CADM2: variants seen among roughly 807,000 people sequenced by gnomAD.
CADM2 encodes cell adhesion molecule 2, also known as immunoglobulin superfamily member 4D.
Under a neutral mutation model 49.8 loss-of-function variants are expected in CADM2, and 12 were observed. That is an observed-to-expected ratio of 0.24 (90% CI 0.15 to 0.39). The LOEUF is 0.39. CADM2 is among the 10% of genes least tolerant of loss of function. CADM2 has a pLI of 1.00. For missense variants in CADM2, 378 were observed against 492.3 expected (o/e 0.77, Z 2.20); for synonymous variants, 214 against 175.4 (o/e 1.22, Z -1.74).
chr3:85,808,119 A>G (rs1292893792), intron 3 of CADM2, among the ~76,000 whole-genome samples: 1 of 152,184 alleles, frequency 6.6e-6, no homozygotes, highest in Non-Finnish European at 1.5e-5. Context: ...CAAAGTCGAA[A>G]TTCAATTACA....
chr3:85,308,284 A>C (rs2044261353), intron 1 of CADM2, among the ~76,000 whole-genome samples: 1 of 145,702 alleles, frequency 6.9e-6, no homozygotes, highest in African/African-American at 2.6e-5. Flanking sequence ...TATTTATTTA[A>C]ATATCTATAT....
intron 1 of CADM2, among the ~76,000 whole-genome samples, chr3:85,620,130 G>T (rs929906099): frequency 1.3e-5 from 2 of 151,984 alleles, no homozygotes; most frequent in East Asian, 1.9e-4. Flanking sequence ...TCAAGTCCTT[G>T]GGTACCAGAG....
chr3:85,410,047 T>C (rs2035585325), intron 1 of CADM2, among the ~76,000 whole-genome samples: 1 of 152,104 alleles, frequency 6.6e-6, no homozygotes, highest in African/African-American at 2.4e-5. Flanking sequence ...CTTTGCATCC[T>C]CCCTGGTTAA....
At chr3:85,769,902 A>G (rs1417870065) in intron 2 of CADM2, among the ~76,000 whole-genome samples, 1 of 151,888 alleles carries the variant, frequency 6.6e-6, no homozygotes, top group African/African-American at 2.4e-5. Flanking sequence ...TAGTGTTTTG[A>G]TGCTAGAACA....
chr3:85,084,938 AT>A (rs946972373), intron 1 of CADM2, among the ~76,000 whole-genome samples: 3 of 152,104 alleles, frequency 2.0e-5, no homozygotes, highest in African/African-American at 7.2e-5. Context: ...CTTTTAGGTT[AT>A]TAAGTTTAAT....
intron 1 of CADM2, among the ~76,000 whole-genome samples, chr3:85,084,705 TA>T (rs1439255758): frequency 5.3e-5 from 8 of 152,256 alleles, no homozygotes; most frequent in South Asian, 2.1e-4. Flanking sequence ...ATATGGCTAC[TA>T]AAAAAATTAA....
intron 1 of CADM2, among the ~76,000 whole-genome samples, chr3:85,176,135 C>T (rs1010075386): frequency 6.6e-6 from 1 of 151,818 alleles, no homozygotes; most frequent in African/African-American, 2.4e-5. Flanking sequence ...TGGTCCAGGC[C>T]AATGTGCAAT....
chr3:85,788,588 C>A (rs1206296733), intron 2 of CADM2, among the ~76,000 whole-genome samples: 2 of 151,582 alleles, frequency 1.3e-5, no homozygotes, highest in Non-Finnish European at 2.9e-5. Context: ...CAGGTGCAAT[C>A]CAAAATAAAA....
chr3:86,026,977 A>C (rs546840945), intron 8 of CADM2, among the ~76,000 whole-genome samples: 51 of 152,310 alleles, frequency 3.3e-4, no homozygotes, highest in African/African-American at 1.2e-3. Flanking sequence ...AAAAGGAGAA[A>C]ATGGACTTTG....
chr3:85,948,942 G>A (rs9942135), intron 7 of CADM2, among the ~76,000 whole-genome samples: 5,056 of 151,414 alleles, frequency 0.033, 284 homozygotes, highest in African/African-American at 0.12. Flanking sequence ...TAATAGAGCA[G>A]CACCTATGAT....
At chr3:85,229,482 G>T (rs1156721577) in intron 1 of CADM2, among the ~76,000 whole-genome samples, 1 of 152,172 alleles carries the variant, frequency 6.6e-6, no homozygotes, top group Admixed American at 6.5e-5. Context: ...ACCAGTCCCA[G>T]TGAGATGAAC....
chr3:85,305,317 G>A (rs1267644635), intron 1 of CADM2, among the ~76,000 whole-genome samples: 3 of 151,322 alleles, frequency 2.0e-5, no homozygotes, highest in African/African-American at 7.3e-5. Context: ...TTAACTGGAA[G>A]GGAAAAAAAT....
At chr3:85,669,390 T>C (rs1187647048) in intron 1 of CADM2, among the ~76,000 whole-genome samples, 1 of 152,126 alleles carries the variant, frequency 6.6e-6, no homozygotes, top group Non-Finnish European at 1.5e-5. Flanking sequence ...AGGTTAAAGG[T>C]CATTTTGTAA....
At position 85,165,513 on chromosome 3, in the gene CADM2, T is replaced by C. The variant is rs2040449620; in HGVS notation, c.61+205845T>C. Reference sequence around the variant, plus strand: ...AATGCTTTTTCATATTGATGTAATATGTGCTTAAGGGTTTACATTTTTAAT... The same window carrying C: ...AATGCTTTTTCATATTGATGTAATACGTGCTTAAGGGTTTACATTTTTAAT... On this transcript the variant is annotated intron_variant, in intron 1 of 9. Coordinates refer to ENST00000383699, the MANE Select transcript of CADM2 (RefSeq NM_001167675.2). Among the ~76,000 whole-genome samples the C allele has an allele frequency of 2.0e-5, 3 of 151,920 alleles. No individual in the cohort carries two copies. The South Asian group carries it at 6.2e-4, about 31-fold the overall frequency.
chr3:85,595,453 A>G (rs1011069843), intron 1 of CADM2, among the ~76,000 whole-genome samples: 5 of 152,022 alleles, frequency 3.3e-5, no homozygotes, highest in African/African-American at 1.2e-4. Context: ...CAATATTCCA[A>G]CTATCTTTAT....
At chr3:85,853,391 A>G (rs1170899358) in intron 3 of CADM2, among the ~76,000 whole-genome samples, 2 of 152,090 alleles carry the variant, frequency 1.3e-5, no homozygotes, top group Admixed American at 6.5e-5. Context: ...ATGTATTTTA[A>G]GTATTTCAGT....
chr3:85,036,949 C>G (rs898201875), intron 1 of CADM2, among the ~76,000 whole-genome samples: 1 of 145,692 alleles, frequency 6.9e-6, no homozygotes, highest in African/African-American at 2.6e-5. Flanking sequence ...GTCAGGAGCT[C>G]TAGACCAGCC....
chr3:85,739,390 T>C (rs1340314358), intron 2 of CADM2, among the ~76,000 whole-genome samples: 2 of 152,130 alleles, frequency 1.3e-5, no homozygotes, highest in African/African-American at 4.8e-5. Context: ...TTTAGATACA[T>C]TCTATGTTAT....
chr3:85,719,533 T>C (rs903187792), intron 1 of CADM2, among the ~76,000 whole-genome samples: 1 of 152,088 alleles, frequency 6.6e-6, no homozygotes, highest in African/African-American at 2.4e-5. Context: ...TAAGCTAGAG[T>C]TTGGAAAATG....
Sources: allele counts gnomAD v4.1 joint callset (sites outside exome capture counted in the v4.1 genomes callset), GRCh38; gene constraint gnomAD v4.1.1; transcripts MANE v1.5; gene names NCBI Gene and HGNC (gene_info 2026-07-23, HGNC 2026-07-21).